The following ASB3 variants were observed in gnomAD, a reference collection of about 807,000 sequenced individuals.
ASB3 encodes ankyrin repeat and SOCS box containing 3, also known as ankyrin repeat and SOCS box protein 3.
A neutral mutation model predicts 54.5 loss-of-function variants in ASB3; 41 were observed. The ratio of observed to expected loss-of-function variants is 0.75; its 90% CI spans 0.59 to 0.98. The LOEUF is 0.98. ASB3 is among the 50% of genes least tolerant of loss of function. The pLI is 0.00. For synonymous variants in ASB3, 266 were observed against 221.2 expected, an observed-to-expected ratio of 1.20 and a Z score of -1.80; for missense variants, 733 against 620.0, an observed-to-expected ratio of 1.18 and a Z score of -1.94.
chr2:53,688,583 T>C (rs546579791), intron 9 of ASB3, among the ~76,000 whole-genome samples: 5 of 152,326 alleles, frequency 3.3e-5, no homozygotes, highest in South Asian at 4.1e-4. Context: ...GTAGCTACTA[T>C]TACCATCTCT....
chr2:53,710,866 C>T (rs767773442), intron 7 of ASB3, among the ~76,000 whole-genome samples: 9 of 152,122 alleles, frequency 5.9e-5, no homozygotes, highest in Non-Finnish European at 1.0e-4. Flanking sequence ...GTGGCTCACG[C>T]CTGTAATCCC....
Position 53,714,471 on chromosome 2 carries a change from A to G in ASB3, c.893T>C (p.Ile298Thr). 6.2e-7 allele frequency: 1 copy of G among 1,614,234 alleles called. No individual in the cohort carries two copies. Among genetic ancestry groups the G allele is most frequent in the Non-Finnish European group, 8.5e-7 (1 of 1,180,018 alleles). ...VFGGHEDCLEILLRNGYSPDA... is the reference protein window; with the variant it reads ...VFGGHEDCLETLLRNGYSPDA... ...TGGGCTGTAGCCATTCCGGAGTAAT[A>G]TTTCTAGGCAATCTTCATGTCCCCC... The change falls in exon 7 of 10, where the codon ATA becomes ACA. Residue 298 changes from isoleucine to threonine, a missense_variant. Ile to Thr is a moderately conservative substitution (Grantham distance 89, BLOSUM62 -1). Transcript: ENST00000263634.
At chr2:53,739,671 T>C (rs1671826442) in intron 3 of ASB3, among the ~76,000 whole-genome samples, 1 of 152,126 alleles carries the variant, frequency 6.6e-6, no homozygotes, top group African/African-American at 2.4e-5. Flanking sequence ...GTTTCATTTT[T>C]TTGTTTGTTT....
rs965751501 is a variant in ASB3, at chr2:53,729,722, C to T, written c.356-152G>A. On this transcript the variant is annotated intron_variant, in intron 3 of 9. Coordinates refer to ENST00000263634, the MANE Select transcript of ASB3 (RefSeq NM_016115.5). ...TATCACAATTGTCTTAGCCCAAATC[C>T]ATTAACATATATCTAATTGTTTCTG... 5.0e-5 allele frequency: 31 copies of T among 615,278 alleles called. No individual in the cohort carries two copies. The South Asian group carries it at 6.3e-4, about 12-fold the overall frequency. 38.1% of individuals were successfully genotyped at this position (615,278 alleles called of 1,614,324 possible). A position where few individuals can be genotyped will look rare whatever the true frequency, so the allele number is the denominator to read the frequency against.
At chr2:53,684,126 G>A (rs1260733976) in intron 9 of ASB3, among the ~76,000 whole-genome samples, 1 of 152,130 alleles carries the variant, frequency 6.6e-6, no homozygotes. Context: ...CTGATACACA[G>A]CTGACATGTA....
chr2:53,722,992 T>C (rs1670791632), intron 5 of ASB3, among the ~76,000 whole-genome samples: 1 of 152,018 alleles, frequency 6.6e-6, no homozygotes. Context: ...TTCAGTAAAA[T>C]TTCAGGTTAC....
chr2:53,758,330 G>A (rs1233825522), intron 2 of ASB3, among the ~76,000 whole-genome samples: 11 of 152,144 alleles, frequency 7.2e-5, no homozygotes, highest in Admixed American at 3.3e-4. Context: ...GACTTAATCC[G>A]GGGCAACAAA....
At chr2:53,709,970 A>T (rs1572884986) in intron 7 of ASB3, among the ~76,000 whole-genome samples, 1 of 152,182 alleles carries the variant, frequency 6.6e-6, no homozygotes, top group Non-Finnish European at 1.5e-5. Context: ...ATAGAGAGAA[A>T]CCGAGGTTTC....
intron 8 of ASB3, 98 bp from the exon 9 acceptor site, chr2:53,694,112 T>A: frequency 7.1e-7 from 1 of 1,417,378 alleles, no homozygotes; most frequent in Non-Finnish European, 9.6e-7. Context: ...AAAATCTCAA[T>A]GAGGAGGGCA....
intron 8 of ASB3, among the ~76,000 whole-genome samples, chr2:53,695,420 C>T (rs897588369): frequency 2.0e-5 from 3 of 151,910 alleles, no homozygotes; most frequent in Admixed American, 2.0e-4. Context: ...ACAATATATT[C>T]AAAGACAAAC....
chr2:53,719,542 G>A (rs375056915), intron 5 of ASB3, among the ~76,000 whole-genome samples: 9 of 151,798 alleles, frequency 5.9e-5, no homozygotes, highest in African/African-American at 1.9e-4. Flanking sequence ...TGCCAGCCCC[G>A]AGATAACTCC....
chr2:53,674,126 C>T (rs1285605893), intron 9 of ASB3, among the ~76,000 whole-genome samples: 7 of 152,206 alleles, frequency 4.6e-5, no homozygotes, highest in East Asian at 1.9e-4. Context: ...ATTTATAATA[C>T]GAAAAAGGCC....
chr2:53,780,794 TA>T (rs1674602593), intron 1 of ASB3, among the ~76,000 whole-genome samples: 1 of 152,070 alleles, frequency 6.6e-6, no homozygotes, highest in Admixed American at 6.5e-5. Flanking sequence ...TAATAACAAA[TA>T]AATAAAATAC....
chr2:53,755,560 G>A (rs773758790), intron 2 of ASB3, among the ~76,000 whole-genome samples: 7 of 151,988 alleles, frequency 4.6e-5, no homozygotes, highest in Non-Finnish European at 7.4e-5. Context: ...AGATTATATC[G>A]CCACACCATT....
intron 5 of ASB3, among the ~76,000 whole-genome samples, chr2:53,717,051 T>C (rs1670437340): frequency 6.6e-6 from 1 of 152,156 alleles, no homozygotes; most frequent in African/African-American, 2.4e-5. Context: ...ACCCTGTCTC[T>C]ATCAAAAATA....
chr2:53,725,349 T>C (rs559382161), intron 5 of ASB3, among the ~76,000 whole-genome samples: 8 of 152,298 alleles, frequency 5.3e-5, no homozygotes, highest in African/African-American at 1.7e-4. Flanking sequence ...GCCCACTGTC[T>C]AAGTGATGAG....
chr2:53,739,406 T>A (rs542655108), intron 3 of ASB3, among the ~76,000 whole-genome samples: 1 of 152,304 alleles, frequency 6.6e-6, no homozygotes, highest in Admixed American at 6.5e-5. Flanking sequence ...TACATACATG[T>A]AAGTACTAAA....
chr2:53,686,472 C>A (rs3770411), intron 9 of ASB3, among the ~76,000 whole-genome samples: 21,755 of 152,164 alleles, frequency 0.14, 1,620 homozygotes, highest in South Asian at 0.21. Flanking sequence ...TAAGCAGCTA[C>A]AAGAAACCTT....
chr2:53,694,205 T>C, intron 8 of ASB3, 191 bp from the exon 9 acceptor site: 1 of 550,138 alleles, frequency 1.8e-6, no homozygotes, highest in Non-Finnish European at 3.0e-6. Flanking sequence ...AGGTTCCTAT[T>C]AACTGAATTG....
Sources: allele counts gnomAD v4.1 joint callset (sites outside exome capture counted in the v4.1 genomes callset), GRCh38; gene constraint gnomAD v4.1.1; transcripts MANE v1.5; gene names NCBI Gene and HGNC (gene_info 2026-07-23, HGNC 2026-07-21).